Variants in STAT1 observed in about 807,000 individuals in gnomAD.
The protein encoded by STAT1 is signal transducer and activator of transcription 1-alpha/beta.
In STAT1, 24 loss-of-function variants were observed where a neutral mutation model predicts 111.7. The observed-to-expected ratio is 0.21, with a 90% CI of 0.16 to 0.30. The LOEUF is 0.30. Ranked by LOEUF, STAT1 falls within the 10% of genes least tolerant of loss-of-function variation. STAT1 has a pLI of 1.00. For synonymous variants in STAT1, 332 were observed against 326.5 expected (o/e 1.02, Z -0.18); for missense variants, 351 against 911.9 (o/e 0.38, Z 7.92).
At chr2:191,001,045 A>G (rs772440810) in intron 6 of STAT1, 29 bp downstream of exon 6, 1 of 1,549,844 alleles carries the variant, frequency 6.5e-7, no homozygotes, top group Non-Finnish European at 8.9e-7. Context: ...AAGTTTCAGA[A>G]TAAATGCATG....
At position 190,992,260 on chromosome 2, in the gene STAT1, C is replaced by T. The variant is rs1445952705; in HGVS notation, c.945-940G>A. On this transcript the variant is annotated intron_variant, in intron 10 of 24. Transcript: ENST00000361099. ...CTTTACGCATGGAAAGTGACAGACACTGCTTGTGCTGTTTGATATAAAATG... is the reference window on the plus strand; with the variant it reads ...CTTTACGCATGGAAAGTGACAGACATTGCTTGTGCTGTTTGATATAAAATG... Among the ~76,000 whole-genome samples the T allele has an allele frequency of 3.9e-5, 6 of 152,208 alleles. No individual in the cohort carries two copies. In the East Asian group the frequency reaches 1.2e-3, roughly 29 times the overall value.
At position 190,975,525 on chromosome 2, in the gene STAT1, T is replaced by C; in HGVS notation, c.2135+287A>G. ...CCTTTTCTAGATTGAAAAGAACTAC[T>C]TTCCCACTCTGATCAACTTTTGCTC... is the stretch of plus-strand genomic sequence containing the variant. On this transcript the variant is annotated intron_variant, in intron 23 of 24. Transcript: ENST00000361099. The surrounding 1 kb of genome is among the most constrained non-coding windows in gnomAD (Gnocchi z 5.9). 7.9e-7 allele frequency: 1 copy of C among 1,267,158 alleles called. No homozygotes were observed. The highest frequency in any genetic ancestry group is 1.0e-6 in the Non-Finnish European group (1 of 953,638). 78.5% of individuals were successfully genotyped at this position (1,267,158 alleles called of 1,614,324 possible). A position where few individuals can be genotyped will look rare whatever the true frequency, so the allele number is the denominator to read the frequency against.
In STAT1 at chr2:190,983,749, T is replaced by G; in HGVS notation, c.1348-9A>C. Reference sequence around the variant, plus strand: ...ACGGGCAGAGAGGTCGTCTAAAGGATGACAAAGACCTTGAAATCATCTGAA... The same window carrying G: ...ACGGGCAGAGAGGTCGTCTAAAGGAGGACAAAGACCTTGAAATCATCTGAA... On this transcript the variant is annotated splice_polypyrimidine_tract_variant and intron_variant, in intron 16 of 24. Transcript: ENST00000361099. This position sits in a 1 kb window ranked among gnomAD's most constrained non-coding sequence, Gnocchi z 5.7. The G allele has an allele frequency of 6.2e-7, 1 of 1,612,744 alleles. No individual in the cohort carries two copies. Among genetic ancestry groups the G allele is most frequent in the South Asian group, 1.1e-5 (1 of 91,074 alleles).
rs781389511 is a variant in STAT1, at chr2:191,009,100, C to T, written c.136G>A (p.Ala46Thr). Residue 46 changes from alanine to threonine, a missense_variant, in exon 4 of 25, where the codon GCT (alanine) becomes ACT (threonine). Coordinates refer to ENST00000361099, the MANE Select transcript of STAT1 (RefSeq NM_007315.4). ...QWLEKQDWEH[A>T]ANDVSFATIR... is the part of the protein sequence containing the mutation. ...GTGGCAAATGAAACATCATTGGCAG[C>T]GTGCTCCCTAGGAGATTTAACATTT... 3 of 1,613,880 alleles carry T rather than the reference C, an allele frequency of 1.9e-6. No homozygotes were observed. The highest frequency in any genetic ancestry group is 1.7e-6 in the Non-Finnish European group (2 of 1,179,942).
chr2:190,982,410 G>A lies in STAT1; in HGVS notation c.1555C>T (p.Leu519=). Residue 519 remains leucine (L), a synonymous_variant, in exon 18 of 25, where the codon CTG becomes TTG. Coordinates refer to ENST00000361099, the MANE Select transcript of STAT1 (RefSeq NM_007315.4). The surrounding 1 kb of genome is among the most constrained non-coding windows in gnomAD (Gnocchi z 7.3). ...VTKRGLNVDQ[L]NMLGEKLLGP... The stretch of plus-strand genomic sequence containing the variant: ...AGAAGCTTCTCTCCCAACATGTTCA[G>A]CTGGTCCACATTGAGACCTCTTTTG... 1 of 1,614,192 alleles carries A rather than the reference G, an allele frequency of 6.2e-7. No homozygotes were observed. The highest frequency in any genetic ancestry group is 8.5e-7 in the Non-Finnish European group (1 of 1,180,036).
chr2:190,985,321 T>G (rs1011664619), intron 15 of STAT1, among the ~76,000 whole-genome samples: 1 of 152,174 alleles, frequency 6.6e-6, no homozygotes, highest in Non-Finnish European at 1.5e-5. Flanking sequence ...CCTGCAAACT[T>G]CTGTGAGTCA....
At chr2:191,008,378 CATGCTGGGAGTACATCTGAAGA>C (rs1400793827) in intron 4 of STAT1, among the ~76,000 whole-genome samples, 1 of 152,156 alleles carries the variant, frequency 6.6e-6, no homozygotes, top group Non-Finnish European at 1.5e-5. Flanking sequence ...ACCCCAAGGG[CATGCTGGGAGTACATCTGAAGA>C]ACCCCTAAAA....
At position 190,998,109 on chromosome 2, in the gene STAT1, G is replaced by A; in HGVS notation, c.634-102C>T. 1 of 1,558,210 alleles carries A rather than the reference G, an allele frequency of 6.4e-7. No individual in the cohort carries two copies. Among genetic ancestry groups the A allele is most frequent in the East Asian group, 2.3e-5 (1 of 43,876 alleles). ...AGCAAATATCATTTCATTCTCAACT[G>A]GGGCTCTAAGCCAGGTGGCTATAAT... On this transcript the variant is annotated intron_variant, in intron 8 of 24. Transcript: ENST00000361099. The surrounding 1 kb of genome is among the most constrained non-coding windows in gnomAD (Gnocchi z 4.1).
At position 190,981,386 on chromosome 2, in the gene STAT1, C is replaced by T. The variant is rs1228560619; in HGVS notation, c.1583-717G>A. On this transcript the variant is annotated intron_variant, in intron 18 of 24. Coordinates refer to ENST00000361099, the MANE Select transcript of STAT1 (RefSeq NM_007315.4). The surrounding 1 kb of genome is among the most constrained non-coding windows in gnomAD (Gnocchi z 4.1). ...CAGGCAGTCTGATGCAAATCAAAAA[C>T]CAAGTGAGAGAAACGAGAGGAAGAA... Among the ~76,000 whole-genome samples the T allele has an allele frequency of 1.3e-5, 2 of 152,182 alleles. No individual in the cohort carries two copies. The highest frequency in any genetic ancestry group is 2.1e-4 in the South Asian group (1 of 4,826).
Position 191,007,505 on chromosome 2 carries a change from G to T in STAT1, c.372+58C>A. Reference sequence around the variant, plus strand: ...TTTGACATGGGCCCTAATAGTATTTGATGAATGAATACATTTTTATTTTAT... The same window carrying T: ...TTTGACATGGGCCCTAATAGTATTTTATGAATGAATACATTTTTATTTTAT... On this transcript the variant is annotated intron_variant, in intron 5 of 24. Coordinates refer to ENST00000361099, the MANE Select transcript of STAT1 (RefSeq NM_007315.4). The surrounding 1 kb of genome is among the most constrained non-coding windows in gnomAD (Gnocchi z 4.2). 3 of 1,292,924 alleles carry T rather than the reference G, an allele frequency of 2.3e-6. No individual in the cohort carries two copies. The highest frequency in any genetic ancestry group is 2.2e-6 in the Non-Finnish European group (2 of 892,116). 80.1% of individuals were successfully genotyped at this position (1,292,924 alleles called of 1,614,324 possible).
Position 190,993,116 on chromosome 2 carries a change from A to C in STAT1, c.945-1796T>G, listed in dbSNP as rs45483193. On this transcript the variant is annotated intron_variant, in intron 10 of 24. Coordinates refer to ENST00000361099, the MANE Select transcript of STAT1 (RefSeq NM_007315.4). The surrounding 1 kb of genome is among the most constrained non-coding windows in gnomAD (Gnocchi z 4.1). ...TGTTGCATTCCTAGCACTAGTTTCC[A>C]AAAACAGAATTCCAAGGGAATCAGC... is the stretch of plus-strand genomic sequence containing the variant. The C allele has an allele frequency of 1.5e-3, 606 of 410,876 alleles. 7 individuals are homozygous for C. The highest frequency in any genetic ancestry group is 0.011 in the African/African-American group (541 of 48,264). The allele number at this position is 410,876 out of a possible 1,614,324, so 25.5% of individuals were successfully genotyped here.
chr2:190,990,141 G>A lies in STAT1; in HGVS notation c.1038-467C>T, dbSNP rs999243125. ...TAGCGTCCCATCTATAGTCACCCCA[G>A]GGTAGCATGGAAAGATGGAGGGCAG... On this transcript the variant is annotated intron_variant, in intron 11 of 24. Coordinates refer to ENST00000361099, the MANE Select transcript of STAT1 (RefSeq NM_007315.4). This position sits in a 1 kb window ranked among gnomAD's most constrained non-coding sequence, Gnocchi z 5.1. Among the ~76,000 whole-genome samples the A allele has an allele frequency of 6.6e-6, 1 of 152,202 alleles. No individual in the cohort carries two copies. The highest frequency in any genetic ancestry group is 2.4e-5 in the African/African-American group (1 of 41,442).
chr2:191,007,682 C>T lies in STAT1; in HGVS notation c.274-21G>A, dbSNP rs1037056540. ...TTATCCTAGATTTGAGTGGTTAGAA[C>T]AAAAATAAATTAAAATGCAGAATGT... On this transcript the variant is annotated intron_variant, in intron 4 of 24. Coordinates refer to ENST00000361099, the MANE Select transcript of STAT1 (RefSeq NM_007315.4). This position sits in a 1 kb window ranked among gnomAD's most constrained non-coding sequence, Gnocchi z 4.2. The T allele has an allele frequency of 6.5e-7, 1 of 1,530,316 alleles. No individual in the cohort carries two copies. Among genetic ancestry groups the T allele is most frequent in the Non-Finnish European group, 9.1e-7 (1 of 1,104,874 alleles). The allele number at this position is 1,530,316 out of a possible 1,614,324, so 94.8% of individuals were successfully genotyped here.
In STAT1 at chr2:190,973,781, A is replaced by C. The variant is rs1691681260; in HGVS notation, c.2238+1049T>G. Among the ~76,000 whole-genome samples, 4 of 152,208 alleles carry C rather than the reference A, an allele frequency of 2.6e-5. No individual in the cohort carries two copies. The highest frequency in any genetic ancestry group is 2.6e-4 in the Admixed American group (4 of 15,276). ...CCTATTTCGTCAACAACAATCAGGA[A>C]AGTGTAGGAAGGTACAATCTCTAAT... is the stretch of plus-strand genomic sequence containing the variant. On this transcript the variant is annotated intron_variant, in intron 24 of 24. Transcript: ENST00000361099. The surrounding 1 kb of genome is among the most constrained non-coding windows in gnomAD (Gnocchi z 4.4).
rs901824975 is a variant in STAT1 at position 190,984,955 on chromosome 2, C to T, written c.1264-562G>A. On this transcript the variant is annotated intron_variant, in intron 15 of 24. Coordinates refer to ENST00000361099, the MANE Select transcript of STAT1 (RefSeq NM_007315.4). This position sits in a 1 kb window ranked among gnomAD's most constrained non-coding sequence, Gnocchi z 5.2. ...GGGAGGTCAAAACATAGTTCAGGCG[C>T]ACACCAGGGCTAGAAGGCATCTTTG... is the stretch of plus-strand genomic sequence containing the variant. Among the ~76,000 whole-genome samples, 8 of 152,218 alleles carry T rather than the reference C, an allele frequency of 5.3e-5. No individual in the cohort carries two copies. Among genetic ancestry groups the T allele is most frequent in the African/African-American group, 1.9e-4 (8 of 41,452 alleles).
At position 191,001,128 on chromosome 2, in the gene STAT1, T is replaced by C. The variant is rs1694238669; in HGVS notation, c.408A>G (p.Leu136=). 2 of 1,614,038 alleles carry C rather than the reference T, an allele frequency of 1.2e-6. No individual in the cohort carries two copies. The highest frequency in any genetic ancestry group is 1.7e-6 in the Non-Finnish European group (2 of 1,179,980). The change falls in exon 6 of 25, where the codon TTA becomes TTG. Residue 136 remains leucine (L), a synonymous_variant. Transcript: ENST00000361099. ...TACTGTCAAGCTCTTTCTGTTTGTC[T>C]AACATCACTGTGCTCTGAATATTCC... is the stretch of plus-strand genomic sequence containing the variant. ...QSGNIQSTVM[L]DKQKELDSKV...
Position 190,975,666 on chromosome 2 carries a change from G to A in STAT1, c.2135+146C>T. 1 of 1,497,100 alleles carries A rather than the reference G, an allele frequency of 6.7e-7. No homozygotes were observed. Among genetic ancestry groups the A allele is most frequent in the Non-Finnish European group, 8.9e-7 (1 of 1,125,384 alleles). The allele number at this position is 1,497,100 out of a possible 1,614,324, so 92.7% of individuals were successfully genotyped here. Reference sequence around the variant, plus strand: ...TAAAGTAGTAAAATGCTGATAGGCAGTAACACGGGGATCTCAACAAGTTCA... The same window carrying A: ...TAAAGTAGTAAAATGCTGATAGGCAATAACACGGGGATCTCAACAAGTTCA... On this transcript the variant is annotated intron_variant, in intron 23 of 24. Coordinates refer to ENST00000361099, the MANE Select transcript of STAT1 (RefSeq NM_007315.4). The surrounding 1 kb of genome is among the most constrained non-coding windows in gnomAD (Gnocchi z 5.9).
At chr2:190,985,705 A>G (rs1263475052) in intron 14 of STAT1, 45 bp from the exon 15 acceptor site, 1 of 1,569,106 alleles carries the variant, frequency 6.4e-7, no homozygotes, top group Non-Finnish European at 8.8e-7. Context: ...GGTAATGGTC[A>G]AAGTTGCTAT....
Position 190,990,760 on chromosome 2 carries a change from G to C in STAT1, c.1037+468C>G, listed in dbSNP as rs1473280640. Among the ~76,000 whole-genome samples, 1 of 152,188 alleles carries C rather than the reference G, an allele frequency of 6.6e-6. No homozygotes were observed. The highest frequency in any genetic ancestry group is 1.5e-5 in the Non-Finnish European group (1 of 68,042). ...GAGGACAGACACTAGGCCATTTACT[G>C]TGGTGGTCCACAGATATTTATATCA... On this transcript the variant is annotated intron_variant, in intron 11 of 24. Transcript: ENST00000361099. This position sits in a 1 kb window ranked among gnomAD's most constrained non-coding sequence, Gnocchi z 5.1.
Sources: allele counts gnomAD v4.1 joint callset (sites outside exome capture counted in the v4.1 genomes callset), GRCh38; gene constraint gnomAD v4.1.1; non-coding constraint Gnocchi (gnomAD v3.1); transcripts MANE v1.5; gene names NCBI Gene and HGNC (gene_info 2026-07-23, HGNC 2026-07-21).